STPG2: variants seen among roughly 807,000 people sequenced by gnomAD.
STPG2 encodes sperm-tail PG-rich repeat-containing protein 2.
In STPG2, 56 loss-of-function variants were observed where a neutral mutation model predicts 54.2. That is an observed-to-expected ratio of 1.03 (90% CI 0.83 to 1.29). The LOEUF (loss-of-function observed/expected upper bound fraction) is 1.29. STPG2 is among the 50% of genes most tolerant of loss of function. The pLI, the probability that STPG2 is intolerant of heterozygous loss-of-function variation, is 0.00. For missense variants in STPG2, 596 were observed against 544.9 expected (o/e 1.09, Z -0.93); for synonymous variants, 200 against 181.8 (o/e 1.10, Z -0.81).
intron 9 of STPG2, among the ~76,000 whole-genome samples, chr4:97,738,227 G>A (rs975770090): frequency 2.0e-5 from 3 of 152,156 alleles, no homozygotes; most frequent in African/African-American, 4.8e-5. Flanking sequence ...AACGTGGAAA[G>A]GAACAATGGG....
intron 9 of STPG2, among the ~76,000 whole-genome samples, chr4:97,823,219 C>A (rs1182195964): frequency 6.6e-6 from 1 of 152,214 alleles, no homozygotes; most frequent in East Asian, 1.9e-4. Flanking sequence ...CTATCTAGGA[C>A]ATTCAGAGCT....
intron 4 of STPG2, among the ~76,000 whole-genome samples, chr4:97,489,607 T>C (rs776011077): frequency 5.9e-5 from 9 of 151,650 alleles, no homozygotes; most frequent in Non-Finnish European, 1.0e-4. Flanking sequence ...AATGTAAGCA[T>C]ATTCACCTTG....
At chr4:97,651,968 G>A (rs554851361) in intron 10 of STPG2, among the ~76,000 whole-genome samples, 1 of 152,010 alleles carries the variant, frequency 6.6e-6, no homozygotes, top group South Asian at 2.1e-4. Context: ...TGTGAATATA[G>A]TTATGCTAAA....
chr4:97,981,538 G>A (rs571615115), intron 5 of STPG2, among the ~76,000 whole-genome samples: 24 of 151,940 alleles, frequency 1.6e-4, no homozygotes, highest in African/African-American at 3.4e-4. Flanking sequence ...TGTATTATGT[G>A]CCTTACTAAG....
chr4:97,643,989 T>A (rs113461900), intron 10 of STPG2, among the ~76,000 whole-genome samples: 4 of 151,908 alleles, frequency 2.6e-5, no homozygotes, highest in Admixed American at 1.3e-4. Context: ...TCAATCTTTC[T>A]AATCTCAAGT....
chr4:98,056,828 T>G (rs1408503835), intron 5 of STPG2, among the ~76,000 whole-genome samples: 3 of 152,054 alleles, frequency 2.0e-5, no homozygotes, highest in Non-Finnish European at 4.4e-5. Flanking sequence ...TTTAAAAGTG[T>G]GTAGCACTTG....
chr4:97,941,208 A>G lies in STPG2; in HGVS notation c.1044+2689T>C, dbSNP rs187874400. On this transcript the variant is annotated intron_variant, in intron 8 of 10. Transcript: ENST00000295268. ...TATATTTCTCATCCCTTTGTGGGTT[A>G]CCCAGCGACTTTACTCTGTGGAAGC... is the stretch of plus-strand genomic sequence containing the variant. Among the ~76,000 whole-genome samples, 237 of 152,104 alleles carry G rather than the reference A, an allele frequency of 1.6e-3. 1 individual carries two copies. The highest frequency in any genetic ancestry group is 5.5e-3 in the African/African-American group (228 of 41,514).
chr4:97,722,954 C>T (rs1263666267), intron 9 of STPG2, among the ~76,000 whole-genome samples: 1 of 147,224 alleles, frequency 6.8e-6, no homozygotes, highest in African/African-American at 2.5e-5. Flanking sequence ...CCCACCACCA[C>T]ACCCGGCTAA....
At chr4:97,598,934 A>G (rs1003517626) in intron 10 of STPG2, among the ~76,000 whole-genome samples, 5 of 152,222 alleles carry the variant, frequency 3.3e-5, no homozygotes, top group Non-Finnish European at 7.3e-5. Context: ...ATGGGACCTG[A>G]TTAAACTAAA....
chr4:97,992,136 C>T (rs532912567), intron 5 of STPG2, among the ~76,000 whole-genome samples: 10 of 152,196 alleles, frequency 6.6e-5, no homozygotes, highest in East Asian at 1.9e-4. Context: ...GTTTCTGTTG[C>T]GTTTGCTATT....
intron 5 of STPG2, among the ~76,000 whole-genome samples, chr4:98,054,120 T>G (rs201885591): frequency 1.8e-5 from 1 of 56,102 alleles, no homozygotes; most frequent in Admixed American, 1.4e-4. Flanking sequence ...AGAACATAAA[T>G]TTTTTAAAGA....
chr4:97,537,987 A>T (rs1408579105), intron 4 of STPG2, among the ~76,000 whole-genome samples: 1 of 152,208 alleles, frequency 6.6e-6, no homozygotes, highest in African/African-American at 2.4e-5. Flanking sequence ...GAGGATCCTG[A>T]CTATTAAAAG....
chr4:98,031,252 C>T (rs769880545), intron 5 of STPG2, among the ~76,000 whole-genome samples: 1 of 152,054 alleles, frequency 6.6e-6, no homozygotes, highest in Admixed American at 6.5e-5. Flanking sequence ...AAAATCAACT[C>T]AAGATTGATT....
At chr4:97,785,213 C>A (rs1044887996) in intron 9 of STPG2, among the ~76,000 whole-genome samples, 1 of 151,586 alleles carries the variant, frequency 6.6e-6, no homozygotes. Flanking sequence ...AAATGAAAAC[C>A]AAATTTGGCA....
chr4:98,008,954 A>G (rs11932536), intron 5 of STPG2, among the ~76,000 whole-genome samples: 59,879 of 151,772 alleles, frequency 0.39, 12,041 homozygotes, highest in Middle Eastern at 0.46. Context: ...AGTGTCTTGT[A>G]ATCCTTTGAA....
intron 9 of STPG2, among the ~76,000 whole-genome samples, chr4:97,809,633 G>A (rs1364939279): frequency 1.3e-5 from 2 of 152,180 alleles, no homozygotes; most frequent in African/African-American, 2.4e-5. Context: ...TGAGCTCAGA[G>A]AGACCCACTG....
intron 8 of STPG2, among the ~76,000 whole-genome samples, chr4:97,858,035 C>A (rs1294715842): frequency 6.6e-6 from 1 of 151,922 alleles, no homozygotes; most frequent in Non-Finnish European, 1.5e-5. Context: ...ATAAAGCATA[C>A]CTCCAAGATC....
At chr4:97,641,130 C>A (rs1721754227) in intron 10 of STPG2, among the ~76,000 whole-genome samples, 2 of 151,232 alleles carry the variant, frequency 1.3e-5, no homozygotes, top group African/African-American at 2.4e-5. Context: ...ATAGCCAGGA[C>A]AACAAAGAAA....
chr4:97,613,431 G>A (rs1733779642), intron 10 of STPG2, among the ~76,000 whole-genome samples: 1 of 151,336 alleles, frequency 6.6e-6, no homozygotes, highest in African/African-American at 2.4e-5. Context: ...GAAAGTACAT[G>A]ATAACTTTAT....
Sources: gnomAD v4.1 joint callset for allele counts (sites outside exome capture counted in the v4.1 genomes callset) on GRCh38, gnomAD v4.1.1 for gene constraint, MANE v1.5 for transcripts, NCBI Gene and HGNC (gene_info 2026-07-23, HGNC 2026-07-21) for gene names.